Variants in ANO3 observed in about 807,000 individuals in gnomAD.
ANO3 encodes the protein anoctamin-3.
A neutral mutation model predicts 144.8 loss-of-function variants in ANO3; 99 were observed. The ratio of observed to expected loss-of-function variants is 0.68; its 90% confidence interval spans 0.58 to 0.81. The LOEUF is 0.81. ANO3 is among the 30% of genes least tolerant of loss of function. The probability of loss-of-function intolerance (pLI) is 0.00; values close to 1 mark genes in which losing one functional copy is unlikely to be tolerated. For missense variants in ANO3, 905 were observed against 1,202.2 expected (o/e 0.75, Z 3.66); for synonymous variants, 414 against 392.6 (o/e 1.05, Z -0.64).
chr11:26,399,020 G>A (rs537248353), intron 1 of ANO3, among the ~76,000 whole-genome samples: 7 of 151,932 alleles, frequency 4.6e-5, no homozygotes, highest in Admixed American at 1.3e-4. Flanking sequence ...GTCATTAAAG[G>A]AGGGAGTCTG....
At chr11:26,338,323 C>T (rs1010764779) in intron 1 of ANO3, among the ~76,000 whole-genome samples, 14 of 152,242 alleles carry the variant, frequency 9.2e-5, no homozygotes, top group East Asian at 3.9e-4. Flanking sequence ...GGTTTGTAAA[C>T]GCACCAATCG....
At chr11:26,281,506 C>T (rs1187289607) in intron 1 of ANO3, among the ~76,000 whole-genome samples, 1 of 152,146 alleles carries the variant, frequency 6.6e-6, no homozygotes, top group African/African-American at 2.4e-5. Context: ...TTCTTCTTCA[C>T]ACTTAAACTA....
chr11:26,497,445 C>T (rs1237416345), intron 4 of ANO3, among the ~76,000 whole-genome samples: 1 of 152,006 alleles, frequency 6.6e-6, no homozygotes, highest in Non-Finnish European at 1.5e-5. Flanking sequence ...AGAGGTTGTA[C>T]TAATTTACAT....
intron 17 of ANO3, among the ~76,000 whole-genome samples, chr11:26,618,909 GA>G (rs1475825070): frequency 6.6e-6 from 1 of 152,090 alleles, no homozygotes; most frequent in Non-Finnish European, 1.5e-5. Context: ...ATTTAGAATT[GA>G]ATTTTGTGCT....
chr11:26,616,444 T>G (rs1332020336), intron 17 of ANO3, among the ~76,000 whole-genome samples: 1 of 152,008 alleles, frequency 6.6e-6, no homozygotes, highest in African/African-American at 2.4e-5. Context: ...TGGTTTTTTT[T>G]TTTTTTTTTT....
chr11:26,353,735 A>G (rs771727614), intron 1 of ANO3, among the ~76,000 whole-genome samples: 28 of 151,880 alleles, frequency 1.8e-4, no homozygotes, highest in Non-Finnish European at 3.4e-4. Context: ...CGTCAGGCTA[A>G]TTTTTACATT....
intron 1 of ANO3, among the ~76,000 whole-genome samples, chr11:26,283,806 C>A (rs1453144758): frequency 2.0e-5 from 3 of 152,116 alleles, no homozygotes; most frequent in African/African-American, 7.2e-5. Flanking sequence ...AAACATATAA[C>A]TGCAAATTGT....
intron 2 of ANO3, among the ~76,000 whole-genome samples, chr11:26,443,403 A>G (rs1858593333): frequency 6.6e-6 from 1 of 151,998 alleles, no homozygotes; most frequent in Admixed American, 6.6e-5. Context: ...GGAGTTCGAG[A>G]CCAGCCTGGC....
At chr11:26,542,328 A>G (rs1849667869) in intron 11 of ANO3, among the ~76,000 whole-genome samples, 1 of 152,074 alleles carries the variant, frequency 6.6e-6, no homozygotes, top group Non-Finnish European at 1.5e-5. Flanking sequence ...AAGGGTGGAG[A>G]GAAATTGGAA....
chr11:26,632,937 C>A (rs988725039), intron 18 of ANO3, among the ~76,000 whole-genome samples: 1 of 152,052 alleles, frequency 6.6e-6, no homozygotes, highest in African/African-American at 2.4e-5. Context: ...ATGTCAAAAC[C>A]CGTGGGGACA....
chr11:26,563,082 T>C (rs1850357435), intron 14 of ANO3: 2 of 1,604,426 alleles, frequency 1.2e-6, no homozygotes, highest in Non-Finnish European at 1.7e-6. Flanking sequence ...TTAAAACCAC[T>C]GTGCCCAGGT....
In ANO3 at chr11:26,586,503, C is replaced by CTTT. The variant is rs550057766; in HGVS notation, c.1448-11846_1448-11844dup. Among the ~76,000 whole-genome samples, 68 of 81,448 alleles carry CTTT rather than the reference C, an allele frequency of 8.3e-4. 15 individuals are homozygous for CTTT. The highest frequency in any genetic ancestry group is 2.7e-3 in the African/African-American group (51 of 19,054). The allele number at this position is 81,448 out of a possible 152,430, so 53.4% of individuals were successfully genotyped here. On this transcript the variant is annotated intron_variant, in intron 14 of 26. Coordinates refer to ENST00000256737, the MANE Select transcript of ANO3 (RefSeq NM_031418.4). ...AAGAAGGGGCTTCCCTGGTGAGAAT[C>CTTT]TTTTTTTTTTTTTTTTTTGAGACAT... is the stretch of plus-strand genomic sequence containing the variant.
chr11:26,290,632 A>G (rs950242656), intron 1 of ANO3, among the ~76,000 whole-genome samples: 7 of 152,306 alleles, frequency 4.6e-5, no homozygotes, highest in Admixed American at 3.9e-4. Flanking sequence ...TTGGTTTCAA[A>G]GAACATCTTT....
intron 1 of ANO3, among the ~76,000 whole-genome samples, chr11:26,351,965 T>C (rs1232840586): frequency 1.3e-5 from 2 of 152,178 alleles, no homozygotes; most frequent in Non-Finnish European, 2.9e-5. Flanking sequence ...AACAGCCAAG[T>C]AGCAATAGCC....
At chr11:26,282,278 T>C (rs1210743634) in intron 1 of ANO3, among the ~76,000 whole-genome samples, 1 of 151,814 alleles carries the variant, frequency 6.6e-6, no homozygotes, top group Non-Finnish European at 1.5e-5. Context: ...TGAACTGGGC[T>C]TTGCATAAAC....
intron 3 of ANO3, among the ~76,000 whole-genome samples, chr11:26,449,753 C>CT (rs78519382): frequency 3.3e-5 from 5 of 150,390 alleles, no homozygotes; most frequent in African/African-American, 1.2e-4. Context: ...GTAGAATTGC[C>CT]TTTTTTTTTT....
rs117396485 is a variant in ANO3, at chr11:26,315,987, T to C, written c.-3+6268T>C. On this transcript the variant is annotated intron_variant, in intron 1 of 26. Coordinates refer to the ANO3 transcript ENST00000525139. ...TCTCCACTCTTTTACTAAAGACCTA[T>C]CCTCTCCACTGGGGTTGAGGGTGAG... Among the ~76,000 whole-genome samples, 1,196 of 152,240 alleles carry C rather than the reference T, an allele frequency of 7.9e-3. 10 individuals are homozygous for C. Among genetic ancestry groups the C allele is most frequent in the Middle Eastern group, 0.024 (7 of 294 alleles).
chr11:26,487,389 C>G (rs1860495398), intron 4 of ANO3, among the ~76,000 whole-genome samples: 1 of 152,138 alleles, frequency 6.6e-6, no homozygotes, highest in African/African-American at 2.4e-5. Context: ...AACTGTAAGT[C>G]CAATTAAACC....
chr11:26,550,008 A>T (rs550750287), intron 12 of ANO3, among the ~76,000 whole-genome samples: 1 of 151,770 alleles, frequency 6.6e-6, no homozygotes, highest in South Asian at 2.1e-4. Flanking sequence ...CATTGTAAAA[A>T]TTTTTAATCT....
Sources: gnomAD v4.1 joint callset for allele counts (sites outside exome capture counted in the v4.1 genomes callset) on GRCh38, gnomAD v4.1.1 for gene constraint, MANE v1.5 for transcripts, NCBI Gene and HGNC (gene_info 2026-07-23, HGNC 2026-07-21) for gene names.